Variants in CMYA5 observed in about 807,000 individuals in gnomAD.
CMYA5 encodes the protein cardiomyopathy associated 5.
CMYA5 carries 246 observed loss-of-function variants against 318.9 expected under a neutral mutation model. That is an observed-to-expected ratio of 0.77 (90% CI 0.70 to 0.86). The LOEUF is 0.86. Among genes scored for constraint, CMYA5 ranks in the 40% least tolerant of loss-of-function variants. CMYA5 has a pLI of 0.00. For missense variants in CMYA5, 4,589 were observed against 4,678.2 expected (o/e 0.98, Z 0.56); for synonymous variants, 1,641 against 1,729.5 (o/e 0.95, Z 1.27).
chr5:79,786,124 T>G (rs1428494891), intron 9 of CMYA5, among the ~76,000 whole-genome samples: 1 of 152,216 alleles, frequency 6.6e-6, no homozygotes, highest in Admixed American at 6.5e-5. Flanking sequence ...AAGGGTGAGA[T>G]GAGCAGGTTG....
intron 1 of CMYA5, among the ~76,000 whole-genome samples, chr5:79,700,824 CAT>C (rs1461944229): frequency 1.3e-5 from 2 of 152,066 alleles, no homozygotes; most frequent in African/African-American, 2.4e-5. Flanking sequence ...ACAAATATCA[CAT>C]GTTCTCAGTC....
At chr5:79,701,564 C>T (rs1827175372) in intron 1 of CMYA5, among the ~76,000 whole-genome samples, 1 of 152,146 alleles carries the variant, frequency 6.6e-6, no homozygotes, top group Non-Finnish European at 1.5e-5. Flanking sequence ...ATGGCAAAGA[C>T]AGATGTTGGG....
At chr5:79,718,874 T>A (rs1266362217) in intron 1 of CMYA5, among the ~76,000 whole-genome samples, 10 of 152,218 alleles carry the variant, frequency 6.6e-5, no homozygotes, top group African/African-American at 2.4e-4. Context: ...AGTAACATGC[T>A]GTATAGGGTT....
intron 9 of CMYA5, among the ~76,000 whole-genome samples, chr5:79,771,085 A>AC (rs1828848006): frequency 6.6e-6 from 1 of 152,014 alleles, no homozygotes; most frequent in African/African-American, 2.4e-5. Context: ...AAAAAAAAAA[A>AC]ACCAGACTTT....
At chr5:79,726,623 T>C (rs1301306033) in intron 1 of CMYA5, among the ~76,000 whole-genome samples, 1 of 152,158 alleles carries the variant, frequency 6.6e-6, no homozygotes, top group Non-Finnish European at 1.5e-5. Context: ...CTAGGGTGAA[T>C]GGATCTGGCT....
intron 1 of CMYA5, among the ~76,000 whole-genome samples, chr5:79,705,913 C>T (rs1827262032): frequency 6.6e-6 from 1 of 152,186 alleles, no homozygotes; most frequent in African/African-American, 2.4e-5. Flanking sequence ...TACACAAGGA[C>T]ATCATATGTT....
chr5:79,787,475 A>G (rs1561230560), intron 9 of CMYA5, among the ~76,000 whole-genome samples: 1 of 152,236 alleles, frequency 6.6e-6, no homozygotes, highest in Non-Finnish European at 1.5e-5. Context: ...GTCAGAAATT[A>G]CATTCTCAAT....
At chr5:79,706,578 T>C (rs1580748936) in intron 1 of CMYA5, among the ~76,000 whole-genome samples, 1 of 152,336 alleles carries the variant, frequency 6.6e-6, no homozygotes, top group East Asian at 1.9e-4. Context: ...CTTATCCATA[T>C]GAACAGGTGC....
In CMYA5 at chr5:79,731,596, C is replaced by A. The variant is rs573378381; in HGVS notation, c.2831C>A (p.Pro944His). Residue 944 changes from proline to histidine, a missense_variant, in exon 2 of 13, where the codon CCT (proline) becomes CAT (histidine). Transcript: ENST00000446378. Reference protein sequence around the residue: ...LSEEDQEDIGPFSPDSAFVSE... With the variant: ...LSEEDQEDIGHFSPDSAFVSE... ...GAAGAAGATCAAGAAGACATTGGACCTTTTTCTCCAGATTCTGCATTTGTG... is the reference window on the plus strand; with the variant it reads ...GAAGAAGATCAAGAAGACATTGGACATTTTTCTCCAGATTCTGCATTTGTG... The A allele has an allele frequency of 6.2e-7, 1 of 1,613,410 alleles. No homozygotes were observed. Among genetic ancestry groups the A allele is most frequent in the African/African-American group, 1.3e-5 (1 of 75,004 alleles).
intron 9 of CMYA5, among the ~76,000 whole-genome samples, chr5:79,769,103 G>A (rs556437517): frequency 1.3e-5 from 2 of 151,944 alleles, no homozygotes; most frequent in African/African-American, 4.8e-5. Flanking sequence ...TGATACTTGT[G>A]TAGGCGTCAA....
At chr5:79,788,150 G>A (rs1361375301) in intron 9 of CMYA5, among the ~76,000 whole-genome samples, 2 of 151,852 alleles carry the variant, frequency 1.3e-5, no homozygotes, top group Non-Finnish European at 2.9e-5. Flanking sequence ...TCATTAGCAA[G>A]GAATCTAACT....
At chr5:79,724,912 A>C (rs1827716153) in intron 1 of CMYA5, among the ~76,000 whole-genome samples, 1 of 152,114 alleles carries the variant, frequency 6.6e-6, no homozygotes, top group African/African-American at 2.4e-5. Context: ...CTTTTCTTGG[A>C]ATGACCTCCC....
chr5:79,776,278 A>G (rs1561227883), intron 9 of CMYA5, among the ~76,000 whole-genome samples: 1 of 152,234 alleles, frequency 6.6e-6, no homozygotes, highest in Non-Finnish European at 1.5e-5. Context: ...ATCATCATTT[A>G]TCAAAAGAAA....
chr5:79,736,233 G>C lies in CMYA5; in HGVS notation c.7468G>C (p.Glu2490Gln). ...CCCATTAGAGCTTAGAGATAGTAAT[G>C]AAATAGGGAAGACACAAATTACACT... ...VAPLELRDSN[E>Q]IGKTQITLGS... Residue 2490 changes from glutamate to glutamine, a missense_variant, in exon 2 of 13, where the codon GAA (glutamate) becomes CAA (glutamine). Around this residue, in one of 3 missense-constraint regions of CMYA5, gnomAD observed 2,431 missense variants for 2,495.1 expected, o/e 0.97. Transcript: ENST00000446378. The C allele has an allele frequency of 6.2e-7, 1 of 1,613,396 alleles. No homozygotes were observed. The highest frequency in any genetic ancestry group is 8.5e-7 in the Non-Finnish European group (1 of 1,179,706).
rs535411330 is a variant in CMYA5, at chr5:79,731,254, A to T, written c.2489A>T (p.His830Leu). 1 of 1,613,928 alleles carries T rather than the reference A, an allele frequency of 6.2e-7. No homozygotes were observed. Among genetic ancestry groups the T allele is most frequent in the Admixed American group, 1.7e-5 (1 of 60,012 alleles). ...TTCAAACCAAAAGGTATTTCTGAGC[A>T]CACAGTTCTGTCAGTAGACGGCAAG... ...SQFKPKGISE[H>L]TVLSVDGKEV... is the part of the protein sequence containing the mutation. Residue 830 changes from histidine (H) to leucine (L), a missense_variant, in exon 2 of 13, where the codon CAC (histidine) becomes CTC (leucine). Coordinates refer to ENST00000446378, the MANE Select transcript of CMYA5 (RefSeq NM_153610.5).
chr5:79,728,989 C>G lies in CMYA5; in HGVS notation c.224C>G (p.Thr75Arg), dbSNP rs746031798. The G allele has an allele frequency of 6.2e-7, 1 of 1,613,604 alleles. No homozygotes were observed. Among genetic ancestry groups the G allele is most frequent in the South Asian group, 1.1e-5 (1 of 91,058 alleles). The change falls in exon 2 of 13, where the codon ACA (threonine) becomes AGA (arginine). Residue 75 changes from threonine to arginine, a missense_variant. Around this residue, in one of 3 missense-constraint regions of CMYA5, gnomAD observed 2,132 missense variants for 2,131.3 expected, o/e 1.00. Transcript: ENST00000446378. ...TCTGACCCCTCCTTTTCCATGGTGA[C>G]AGTCCAAAGGGAAGATAGTGGGATA... ...IISDPSFSMV[T>R]VQREDSGITW...
rs1488519951 is a variant in CMYA5, at chr5:79,735,670, A to G, written c.6905A>G (p.Asn2302Ser). 1.2e-6 allele frequency: 2 copies of G among 1,612,700 alleles called. No individual in the cohort carries two copies. The highest frequency in any genetic ancestry group is 1.1e-5 in the South Asian group (1 of 90,564). Reference sequence around the variant, plus strand: ...ATCTCAGGCGATTCAGAGGAAATGAACATAAACTCAGTAGTTACTTCTGCT... The same window carrying G: ...ATCTCAGGCGATTCAGAGGAAATGAGCATAAACTCAGTAGTTACTTCTGCT... ...KEISGDSEEM[N>S]INSVVTSADG... The change falls in exon 2 of 13, where the codon AAC becomes AGC. Residue 2302 changes from asparagine (N) to serine (S), a missense_variant. Physicochemically the swap from Asn to Ser is conservative, Grantham distance 46 (BLOSUM62 1). Coordinates refer to ENST00000446378, the MANE Select transcript of CMYA5 (RefSeq NM_153610.5).
intron 1 of CMYA5, among the ~76,000 whole-genome samples, chr5:79,714,092 T>C (rs1042955124): frequency 6.6e-6 from 1 of 152,206 alleles, no homozygotes. Flanking sequence ...TGGAAGCATC[T>C]GCATAATACT....
chr5:79,734,226 C>CA lies in CMYA5; in HGVS notation c.5468dup (p.Thr1824AspfsTer12), dbSNP rs954878355. 2 of 1,613,036 alleles carry CA rather than the reference C, an allele frequency of 1.2e-6. No individual in the cohort carries two copies. The highest frequency in any genetic ancestry group is 1.1e-5 in the South Asian group (1 of 90,948). On this transcript the variant is annotated frameshift_variant, in exon 2 of 13. Coordinates refer to ENST00000446378, the MANE Select transcript of CMYA5 (RefSeq NM_153610.5). LOFTEE classifies it high-confidence loss of function. Reference sequence around the variant, plus strand: ...TGCTCCTTCTGACCTCCTTGTAGAACAAAAAAAGACAGAAAAAGCACTTCA... The same window carrying CA: ...TGCTCCTTCTGACCTCCTTGTAGAACAAAAAAAAGACAGAAAAAGCACTTCA...
Sources: gnomAD v4.1 joint callset for allele counts (sites outside exome capture counted in the v4.1 genomes callset) on GRCh38, gnomAD v4.1.1 for gene constraint, gnomAD v4.1.1 regional missense constraint, MANE v1.5 for transcripts, NCBI Gene and HGNC (gene_info 2026-07-23, HGNC 2026-07-21) for gene names.